CNOT6: variants seen among roughly 807,000 people sequenced by gnomAD.
The protein encoded by CNOT6 is carbon catabolite repression 4 protein.
In CNOT6, 12 loss-of-function variants were observed where a neutral mutation model predicts 61.2. That is an observed-to-expected ratio of 0.20 (90% confidence interval 0.13 to 0.32). The LOEUF (loss-of-function observed/expected upper bound fraction) is 0.32, where lower values mean the gene tolerates loss of function less well. Ranked by LOEUF, CNOT6 falls within the 10% of genes least tolerant of loss-of-function variation. The probability of loss-of-function intolerance (pLI) is 1.00; values close to 1 mark genes in which losing one functional copy is unlikely to be tolerated. For synonymous variants in CNOT6, 225 were observed against 240.6 expected (o/e 0.94, Z 0.60); for missense variants, 405 against 663.9 (o/e 0.61, Z 4.28).
At position 180,571,583 on chromosome 5, in the gene CNOT6, T is replaced by A. The variant is rs927671783; in HGVS notation, c.1461+151T>A. 4 of 652,346 alleles carry A rather than the reference T, an allele frequency of 6.1e-6. No individual in the cohort carries two copies. The African/African-American group carries it at 7.3e-5, about 12-fold the overall frequency. The allele number at this position is 652,346 out of a possible 1,614,324, so 40.4% of individuals were successfully genotyped here. On this transcript the variant is annotated intron_variant, in intron 11 of 11. Coordinates refer to ENST00000261951, the MANE Select transcript of CNOT6 (RefSeq NM_001370472.1). Reference sequence around the variant, plus strand: ...ACAGCAATGTTCTTTGTTTTTTGTTTGAGACAAGGTCTCACTCTGTTACCC... The same window carrying A: ...ACAGCAATGTTCTTTGTTTTTTGTTAGAGACAAGGTCTCACTCTGTTACCC...
rs865963382 is a variant in CNOT6 at position 180,499,676 on chromosome 5, G to A, written c.-3+4913G>A. On this transcript the variant is annotated intron_variant, in intron 1 of 11. Transcript: ENST00000261951. ...GTGACACATTTAAAAAAGGAACCTG[G>A]TAAAAATGATAGAACAGTTTTACAC... 8.5e-5 allele frequency among the ~76,000 whole-genome samples: 13 copies of A among 152,254 alleles called. No homozygotes were observed. In the Middle Eastern group the frequency reaches 0.017, roughly 199 times the overall value.
chr5:180,529,296 A>C lies in CNOT6; in HGVS notation c.20A>C (p.Glu7Ala). 2 of 1,612,154 alleles carry C rather than the reference A, an allele frequency of 1.2e-6. No homozygotes were observed. The highest frequency in any genetic ancestry group is 1.7e-6 in the Non-Finnish European group (2 of 1,178,510). The change falls in exon 2 of 12, where the codon GAG (glutamate) becomes GCG (alanine). Residue 7 changes from glutamate to alanine, a missense_variant. Around this residue, in one of 5 missense-constraint regions of CNOT6, gnomAD observed 212 missense variants for 307.1 expected, o/e 0.69. Coordinates refer to ENST00000261951, the MANE Select transcript of CNOT6 (RefSeq NM_001370472.1). Reference sequence around the variant, plus strand: ...ACAGGCATGCCCAAAGAAAAATACGAGCCCCCTGACCCTCGGAGGATGTAT... The same window carrying C: ...ACAGGCATGCCCAAAGAAAAATACGCGCCCCCTGACCCTCGGAGGATGTAT... MPKEKY[E>A]PPDPRRMYTI...
chr5:180,554,659 A>C (rs2127750054), intron 4 of CNOT6, among the ~76,000 whole-genome samples: 1 of 152,320 alleles, frequency 6.6e-6, no homozygotes, highest in African/African-American at 2.4e-5. Context: ...GGCCAGTGAA[A>C]TGCAAGATGA....
At chr5:180,526,208 T>G (rs1405648882) in intron 1 of CNOT6, among the ~76,000 whole-genome samples, 1 of 142,734 alleles carries the variant, frequency 7.0e-6, no homozygotes, top group Non-Finnish European at 1.6e-5. Context: ...CTGAGGATTG[T>G]TTTTGCTATA....
intron 4 of CNOT6, among the ~76,000 whole-genome samples, chr5:180,557,432 G>A (rs563437435): frequency 5.3e-4 from 80 of 152,286 alleles, no homozygotes; most frequent in African/African-American, 1.7e-3. Context: ...CATTCTGGTA[G>A]ATGTGTAGTC....
intron 4 of CNOT6, 95 bp downstream of exon 4, chr5:180,553,566 A>T: frequency 1.2e-6 from 1 of 860,162 alleles, no homozygotes; most frequent in Non-Finnish European, 1.8e-6. Flanking sequence ...TCTTTTAAAG[A>T]CTCATTTTCC....
chr5:180,569,149 T>A lies in CNOT6; in HGVS notation c.1067T>A (p.Leu356His), dbSNP rs1166670873. The change falls in exon 10 of 12, where the codon CTT becomes CAT. Residue 356 changes from leucine (L) to histidine (H), a missense_variant. Leu to His is a moderately conservative substitution (Grantham distance 99). Transcript: ENST00000261951. ...PHLGTEKQLI[L>H]VANAHMHWDP... ...CTTGGAACAGAAAAACAACTTATTCTTGTGGCTAACGCCCACATGCATTGG... is the reference window on the plus strand; with the variant it reads ...CTTGGAACAGAAAAACAACTTATTCATGTGGCTAACGCCCACATGCATTGG... 1 of 1,614,044 alleles carries A rather than the reference T, an allele frequency of 6.2e-7. No homozygotes were observed. Among genetic ancestry groups the A allele is most frequent in the Non-Finnish European group, 8.5e-7 (1 of 1,180,002 alleles).
In CNOT6 at chr5:180,567,957, G is replaced by T. The variant is rs1760546266; in HGVS notation, c.981G>T (p.Gly327=). The T allele has an allele frequency of 1.2e-6, 2 of 1,613,760 alleles. No homozygotes were observed. The highest frequency in any genetic ancestry group is 1.6e-4 in the Middle Eastern group (1 of 6,062). Residue 327 remains glycine (G), a synonymous_variant, in exon 9 of 12, where the codon GGG becomes GGT. Coordinates refer to ENST00000261951, the MANE Select transcript of CNOT6 (RefSeq NM_001370472.1). ...GAGTCATGACAAAAGATAACATTGG[G>T]GTTGCAGTACTGCTAGAACTTCGGA... ...LNRVMTKDNI[G]VAVLLELRKE...
At chr5:180,497,106 T>C (rs1756645357) in intron 1 of CNOT6, among the ~76,000 whole-genome samples, 1 of 152,150 alleles carries the variant, frequency 6.6e-6, no homozygotes, top group Non-Finnish European at 1.5e-5. Context: ...GATGGGTGGA[T>C]CACCTGAGGT....
At chr5:180,531,823 A>G (rs1347560259) in intron 2 of CNOT6, among the ~76,000 whole-genome samples, 1 of 152,230 alleles carries the variant, frequency 6.6e-6, no homozygotes, top group Non-Finnish European at 1.5e-5. Flanking sequence ...TCTCCACCAA[A>G]AAATGCAAGA....
At chr5:180,509,406 G>A (rs1265249332) in intron 1 of CNOT6, among the ~76,000 whole-genome samples, 1 of 151,954 alleles carries the variant, frequency 6.6e-6, no homozygotes, top group Admixed American at 6.6e-5. Context: ...TGGGATTACA[G>A]TTGTGAGCCA....
At position 180,564,750 on chromosome 5, in the gene CNOT6, A is replaced by G. The variant is rs573737369; in HGVS notation, c.559+7A>G. The G allele has an allele frequency of 6.2e-7, 1 of 1,606,420 alleles. No homozygotes were observed. Among genetic ancestry groups the G allele is most frequent in the African/African-American group, 1.3e-5 (1 of 74,830 alleles). ...GATAGGACAAGGCCAACTGGTTGGT[A>G]GTCTTTTATTTTTTAACTGTTATTT... On this transcript the variant is annotated splice_region_variant and intron_variant, in intron 6 of 11. Transcript: ENST00000261951.
At chr5:180,537,538 T>C (rs1411058898) in intron 2 of CNOT6, among the ~76,000 whole-genome samples, 2 of 152,200 alleles carry the variant, frequency 1.3e-5, no homozygotes, top group East Asian at 3.9e-4. Flanking sequence ...GATATGTCTT[T>C]TGCAAAAATA....
In CNOT6 at chr5:180,574,345, A is replaced by G; in HGVS notation, c.*145A>G. 2 of 689,924 alleles carry G rather than the reference A, an allele frequency of 2.9e-6. No homozygotes were observed. The allele number at this position is 689,924 out of a possible 1,614,324, so 42.7% of individuals were successfully genotyped here. ...TCTGATTATTTGATAAGGATATAGTATGAAAGCCAGGTGCTAGCAACAGAC... is the reference window on the plus strand; with the variant it reads ...TCTGATTATTTGATAAGGATATAGTGTGAAAGCCAGGTGCTAGCAACAGAC... On this transcript the variant is annotated 3_prime_UTR_variant, in exon 12 of 12. Transcript: ENST00000261951.
chr5:180,534,707 C>T (rs1381788152), intron 2 of CNOT6: 1 of 95,698 alleles, frequency 1.0e-5, no homozygotes. Context: ...GGGCCGGAGT[C>T]CCTGGGGTCC....
chr5:180,512,755 C>T (rs1049641161), intron 1 of CNOT6, among the ~76,000 whole-genome samples: 2 of 150,974 alleles, frequency 1.3e-5, no homozygotes, highest in Non-Finnish European at 3.0e-5. Context: ...CACCACCATG[C>T]CCGGCTAATT....
At chr5:180,558,163 A>G (rs1400592816) in intron 4 of CNOT6, among the ~76,000 whole-genome samples, 3 of 152,232 alleles carry the variant, frequency 2.0e-5, no homozygotes, top group Non-Finnish European at 4.4e-5. Flanking sequence ...GCGTGGCCAC[A>G]GGGAACACAC....
chr5:180,521,536 A>G (rs1757878400), intron 1 of CNOT6, among the ~76,000 whole-genome samples: 2 of 152,220 alleles, frequency 1.3e-5, no homozygotes, highest in African/African-American at 4.8e-5. Context: ...GCGCTGACTT[A>G]CAGACTGAGT....
At chr5:180,510,631 A>T (rs920680052) in intron 1 of CNOT6, among the ~76,000 whole-genome samples, 1 of 152,182 alleles carries the variant, frequency 6.6e-6, no homozygotes, top group African/African-American at 2.4e-5. Context: ...GAGTATGTGT[A>T]TTTAAAAATA....
Sources: gnomAD v4.1 joint callset for allele counts (sites outside exome capture counted in the v4.1 genomes callset) on GRCh38, gnomAD v4.1.1 for gene constraint, gnomAD v4.1.1 regional missense constraint, MANE v1.5 for transcripts, NCBI Gene and HGNC (gene_info 2026-07-23, HGNC 2026-07-21) for gene names.